Variants in COL19A1 observed in about 807,000 individuals in gnomAD.
The protein encoded by COL19A1 is collagen alpha-1(XIX) chain.
A neutral mutation model predicts 190.2 loss-of-function variants in COL19A1; 159 were observed. The ratio of observed to expected loss-of-function variants is 0.84; its 90% CI spans 0.73 to 0.95. The LOEUF is 0.95. COL19A1 is among the 40% of genes least tolerant of loss of function. The pLI, the probability that COL19A1 is intolerant of heterozygous loss-of-function variation, is 0.00. For synonymous variants in COL19A1, 509 were observed against 458.9 expected, an observed-to-expected ratio of 1.11 and a Z score of -1.39; for missense variants, 1,418 against 1,431.9, an observed-to-expected ratio of 0.99 and a Z score of 0.16.
intron 48 of COL19A1, 22 bp from the exon 49 acceptor site, chr6:70,199,586 A>T: frequency 6.9e-7 from 1 of 1,455,588 alleles, no homozygotes; most frequent in Non-Finnish European, 9.1e-7. Flanking sequence ...ATGATATATT[A>T]TTTTTTCTTC....
intron 14 of COL19A1, among the ~76,000 whole-genome samples, chr6:70,064,772 A>C (rs1325587320): frequency 4.6e-5 from 7 of 152,230 alleles, no homozygotes; most frequent in African/African-American, 1.7e-4. Flanking sequence ...GTCTCAGGAT[A>C]CAAAATGTGC....
In COL19A1 at chr6:70,172,151, G is replaced by T. The variant is rs552863521; in HGVS notation, c.2622+134G>T. Reference sequence around the variant, plus strand: ...AACAGACAAAAATGTATGTACTCATGGGACTTACATTCTAGCAAAAGGATA... The same window carrying T: ...AACAGACAAAAATGTATGTACTCATTGGACTTACATTCTAGCAAAAGGATA... On this transcript the variant is annotated intron_variant, in intron 41 of 50. Transcript: ENST00000620364. 2.7e-5 allele frequency: 18 copies of T among 672,010 alleles called. No individual in the cohort carries two copies. The African/African-American group carries it at 2.8e-4, about 10-fold the overall frequency. The allele number at this position is 672,010 out of a possible 1,614,324, so 41.6% of individuals were successfully genotyped here. A position where few individuals can be genotyped will look rare whatever the true frequency, so the allele number is the denominator to read the frequency against.
chr6:70,089,241 G>A (rs2150173084), intron 15 of COL19A1, among the ~76,000 whole-genome samples: 1 of 152,200 alleles, frequency 6.6e-6, no homozygotes, highest in East Asian at 1.9e-4. Flanking sequence ...TTACTTAAAT[G>A]TATAGTTTTT....
chr6:69,936,670 A>T (rs1041857944), intron 7 of COL19A1, 115 bp from the exon 8 acceptor site: 13 of 1,352,318 alleles, frequency 9.6e-6, no homozygotes, highest in Non-Finnish European at 1.3e-5. Flanking sequence ...TTGGTTAGTA[A>T]GAAGCAGTTC....
rs948016898 is a variant in COL19A1, at chr6:69,982,413, G to A, written c.1026+19543G>A. On this transcript the variant is annotated intron_variant, in intron 11 of 50. Coordinates refer to ENST00000620364, the MANE Select transcript of COL19A1 (RefSeq NM_001858.6). ...CTGCCGCCACACCCGACTAATTTTT[G>A]CATTTTTAGTGGAGATGGGGTTTCA... Among the ~76,000 whole-genome samples the A allele has an allele frequency of 5.9e-5, 9 of 151,808 alleles. No individual in the cohort carries two copies. In the East Asian group the frequency reaches 1.8e-3, roughly 30 times the overall value.
intron 1 of COL19A1, among the ~76,000 whole-genome samples, chr6:69,868,995 G>C (rs1294373928): frequency 1.3e-5 from 2 of 151,474 alleles, no homozygotes; most frequent in Non-Finnish European, 2.9e-5. Flanking sequence ...CAAGGAAGTA[G>C]GGCTATAGAT....
chr6:70,144,323 T>C, intron 24 of COL19A1, 60 bp downstream of exon 24: 1 of 1,438,822 alleles, frequency 7.0e-7, no homozygotes, highest in East Asian at 2.3e-5. Flanking sequence ...AGACAGAGGA[T>C]CATAAGGGAG....
chr6:70,071,894 A>T (rs1435834883), intron 15 of COL19A1, among the ~76,000 whole-genome samples: 1 of 152,104 alleles, frequency 6.6e-6, no homozygotes, highest in African/African-American at 2.4e-5. Flanking sequence ...AAGTAAGTGG[A>T]GGGATGCTGG....
chr6:70,197,437 A>G (rs1299791340), intron 48 of COL19A1, among the ~76,000 whole-genome samples: 1 of 152,036 alleles, frequency 6.6e-6, no homozygotes, highest in Non-Finnish European at 1.5e-5. Flanking sequence ...AAGAAAAAAG[A>G]AAGAAAAATT....
chr6:70,149,756 A>AT lies in COL19A1; in HGVS notation c.1929+23dup, dbSNP rs766132803. On this transcript the variant is annotated intron_variant, in intron 28 of 50. Coordinates refer to ENST00000620364, the MANE Select transcript of COL19A1 (RefSeq NM_001858.6). ...GGTATTCAGGTAAGCTATTTAACTA[A>AT]TTTTTTAGCACAGCAAAGCCAGCTT... is the stretch of plus-strand genomic sequence containing the variant. 1.9e-6 allele frequency: 3 copies of AT among 1,613,506 alleles called. No homozygotes were observed. The highest frequency in any genetic ancestry group is 2.7e-5 in the African/African-American group (2 of 74,890).
rs892961569 is a variant in COL19A1 at position 70,112,366 on chromosome 6, G to C, written c.1279-9514G>C. 7.2e-5 allele frequency among the ~76,000 whole-genome samples: 11 copies of C among 152,296 alleles called. No homozygotes were observed. The South Asian group carries it at 8.3e-4, about 11-fold the overall frequency. Reference sequence around the variant, plus strand: ...TCTGTGGGTGGCAAGGCACTCTAAAGATTCCTGCTGCTCCTTATATTGCAG... The same window carrying C: ...TCTGTGGGTGGCAAGGCACTCTAAACATTCCTGCTGCTCCTTATATTGCAG... On this transcript the variant is annotated intron_variant, in intron 16 of 50. Transcript: ENST00000620364.
At position 70,168,681 on chromosome 6, in the gene COL19A1, G is replaced by A. The variant is rs963852516; in HGVS notation, c.2568G>A (p.Val856=). ...GCCCAAAAGGCGATCCTGGCCCAGTGGTATGAATGTTCCCATGTTTTGTGT... is the reference window on the plus strand; with the variant it reads ...GCCCAAAAGGCGATCCTGGCCCAGTAGTATGAATGTTCCCATGTTTTGTGT... ...PPGPKGDPGP[V]GEPGAMGLPG... is the part of the protein sequence containing the mutation. The change falls in exon 40 of 51, where the codon GTG becomes GTA. Residue 856 remains valine, a splice_region_variant and synonymous_variant. Coordinates refer to ENST00000620364, the MANE Select transcript of COL19A1 (RefSeq NM_001858.6). The A allele has an allele frequency of 6.2e-7, 1 of 1,612,582 alleles. No individual in the cohort carries two copies. Among genetic ancestry groups the A allele is most frequent in the Non-Finnish European group, 8.5e-7 (1 of 1,179,316 alleles).
At chr6:70,016,968 A>T (rs572793942) in intron 11 of COL19A1, among the ~76,000 whole-genome samples, 1 of 152,112 alleles carries the variant, frequency 6.6e-6, no homozygotes, top group African/African-American at 2.4e-5. Flanking sequence ...AGTTAAACAC[A>T]TACTTACCTA....
intron 15 of COL19A1, among the ~76,000 whole-genome samples, chr6:70,089,894 C>A (rs375939132): frequency 1.3e-5 from 2 of 151,762 alleles, no homozygotes; most frequent in South Asian, 4.2e-4. Context: ...TTTTTCCAGT[C>A]AAAAACAATG....
intron 11 of COL19A1, among the ~76,000 whole-genome samples, chr6:69,992,791 T>C (rs1373273435): frequency 1.3e-5 from 2 of 152,156 alleles, no homozygotes; most frequent in Admixed American, 1.3e-4. Flanking sequence ...TACTGATTTT[T>C]GTACATTGAT....
chr6:70,058,708 A>G (rs1336250040), intron 14 of COL19A1, among the ~76,000 whole-genome samples: 2 of 152,014 alleles, frequency 1.3e-5, no homozygotes, highest in Non-Finnish European at 2.9e-5. Flanking sequence ...CCTCTAATTT[A>G]TTAACATAAA....
rs938487820 is a variant in COL19A1, at chr6:70,156,490, A to G, written c.2238+121A>G. 5.1e-6 allele frequency: 5 copies of G among 981,308 alleles called. 1 individual carries two copies. The highest frequency in any genetic ancestry group is 3.0e-6 in the Non-Finnish European group (2 of 660,030). 60.8% of individuals were successfully genotyped at this position (981,308 alleles called of 1,614,324 possible). A position where few individuals can be genotyped will look rare whatever the true frequency, so the allele number is the denominator to read the frequency against. ...ACTATATATATATATGTATGTATGT[A>G]TATGGAGAGAGAGAGAGAGAGAGAA... On this transcript the variant is annotated intron_variant, in intron 33 of 50. Coordinates refer to ENST00000620364, the MANE Select transcript of COL19A1 (RefSeq NM_001858.6).
At chr6:69,974,911 C>T (rs187550927) in intron 11 of COL19A1, among the ~76,000 whole-genome samples, 9 of 146,138 alleles carry the variant, frequency 6.2e-5, no homozygotes, top group East Asian at 2.1e-4. Flanking sequence ...CTCCCGAGTT[C>T]GCGCCATTTT....
In COL19A1 at chr6:70,199,662, C is replaced by T. The variant is rs1381113233; in HGVS notation, c.3149C>T (p.Ala1050Val). ...QLKLPAAMLAAQAYGRPGPPG... is the reference protein window; with the variant it reads ...QLKLPAAMLAVQAYGRPGPPG... ...AAGCTGCCAGCAGCAATGTTGGCTG[C>T]CCAAGCTTATGGGAGACCTGGGCCA... The change falls in exon 49 of 51, where the codon GCC becomes GTC. Residue 1050 changes from alanine (A) to valine (V), a missense_variant. Transcript: ENST00000620364. 1 of 1,608,594 alleles carries T rather than the reference C, an allele frequency of 6.2e-7. No individual in the cohort carries two copies. The highest frequency in any genetic ancestry group is 1.7e-5 in the Admixed American group (1 of 59,752).
Sources: gnomAD v4.1 joint callset for allele counts (sites outside exome capture counted in the v4.1 genomes callset) on GRCh38, gnomAD v4.1.1 for gene constraint, MANE v1.5 for transcripts, NCBI Gene and HGNC (gene_info 2026-07-23, HGNC 2026-07-21) for gene names.